The following MAP7D2 variants were observed in gnomAD, a reference collection of about 807,000 sequenced individuals.
MAP7D2 encodes the protein MAP7 domain containing 2, also known as MAP7 domain-containing protein 2.
Under a neutral mutation model 63.5 loss-of-function variants are expected in MAP7D2, and 33 were observed. That is an observed-to-expected ratio of 0.52 (90% CI 0.39 to 0.70). MAP7D2 has a LOEUF of 0.70. Ranked by LOEUF, MAP7D2 falls within the 30% of genes least tolerant of loss-of-function variation. MAP7D2 has a pLI of 0.00. For missense variants in MAP7D2, 626 were observed against 604.0 expected, an observed-to-expected ratio of 1.04 and a Z score of -0.38; for synonymous variants, 224 against 223.7, an observed-to-expected ratio of 1.00 and a Z score of -0.01.
At chrX:20,032,487 G>A (rs771290924) in intron 8 of MAP7D2, among the ~76,000 whole-genome samples, 3 of 111,542 alleles carry the variant, frequency 2.7e-5, no homozygotes, top group Non-Finnish European at 3.8e-5. Flanking sequence ...GGGTCTGGGA[G>A]GGAGCCTTCC....
chrX:20,068,134 C>T (rs1328016099), intron 1 of MAP7D2, among the ~76,000 whole-genome samples: 1 of 112,067 alleles, frequency 8.9e-6, no homozygotes, highest in Non-Finnish European at 1.9e-5. Flanking sequence ...CTCAAACAGC[C>T]CAACATGGGC....
At chrX:20,091,694 C>G (rs1167207379) in intron 1 of MAP7D2, among the ~76,000 whole-genome samples, 1 of 111,594 alleles carries the variant, frequency 9.0e-6, no homozygotes, top group African/African-American at 3.3e-5. Context: ...TGACCTCGCT[C>G]AGAAAATTCC....
rs372559177 is a variant in MAP7D2 at position 20,053,015 on chromosome X, G to A, written c.485-27C>T. ...TGCAGAGAAATGCATTAAAGACATT[G>A]GTATTCATCACACTACTGTAGAACC... On this transcript the variant is annotated intron_variant, in intron 4 of 16. Coordinates refer to ENST00000379643, the MANE Select transcript of MAP7D2 (RefSeq NM_001168465.2). 3 of 1,060,062 alleles carry A rather than the reference G, an allele frequency of 2.8e-6. No individual in the cohort carries two copies. In the African/African-American group the frequency reaches 5.5e-5, roughly 20 times the overall value. 87.4% of individuals were successfully genotyped at this position (1,060,062 alleles called of 1,213,427 possible).
chrX:20,050,771 A>T, intron 6 of MAP7D2, 53 bp downstream of exon 6: 1 of 1,119,717 alleles, frequency 8.9e-7, no homozygotes, highest in Non-Finnish European at 1.2e-6. Flanking sequence ...TCCTAGGCTG[A>T]CCAACACCTC....
At chrX:20,053,087 C>T in intron 4 of MAP7D2, 99 bp from the exon 5 acceptor site, 1 of 553,162 alleles carries the variant, frequency 1.8e-6, no homozygotes, top group Non-Finnish European at 3.1e-6. Context: ...ATCCACGCAC[C>T]TCCTAAATGC....
intron 1 of MAP7D2, among the ~76,000 whole-genome samples, chrX:20,096,429 C>CAAAAAAAAA (rs775218484): frequency 1.3e-3 from 52 of 39,668 alleles, no homozygotes; most frequent in Non-Finnish European, 1.4e-3. Flanking sequence ...GACCTTGTCT[C>CAAAAAAAAA]AAAAAAAAAA....
intron 1 of MAP7D2, among the ~76,000 whole-genome samples, chrX:20,103,427 C>A (rs930501797): frequency 9.0e-6 from 1 of 111,093 alleles, no homozygotes. Context: ...TCCTACAGAC[C>A]TGATACAGTG....
At chrX:20,016,463 C>T (rs980786591) in intron 10 of MAP7D2, 138 bp from the exon 11 acceptor site, 1 of 561,047 alleles carries the variant, frequency 1.8e-6, no homozygotes, top group Non-Finnish European at 2.9e-6. Context: ...CATTTAATAA[C>T]ATGATTCATC....
chrX:20,094,487 CATATATATATATATATATAT>C (rs1216874865), intron 1 of MAP7D2, among the ~76,000 whole-genome samples: 1 of 15,112 alleles, frequency 6.6e-5, no homozygotes, highest in Non-Finnish European at 1.0e-4. Flanking sequence ...AAAATACATA[CATATATATATATATATATAT>C]ATATATATGT....
intron 7 of MAP7D2, among the ~76,000 whole-genome samples, chrX:20,042,879 A>G (rs1289274594): frequency 8.9e-6 from 1 of 112,383 alleles, no homozygotes; most frequent in Admixed American, 9.4e-5. Context: ...AAGAGTTAAC[A>G]ACTGAACCAT....
chrX:20,045,849 A>C lies in MAP7D2; in HGVS notation c.719-1325T>G, dbSNP rs1350736319. Among the ~76,000 whole-genome samples, 60 of 111,776 alleles carry C rather than the reference A, an allele frequency of 5.4e-4. No individual in the cohort carries two copies. In the Admixed American group the frequency reaches 5.7e-3, roughly 11 times the overall value. On this transcript the variant is annotated intron_variant, in intron 6 of 16. Coordinates refer to ENST00000379643, the MANE Select transcript of MAP7D2 (RefSeq NM_001168465.2). Reference sequence around the variant, plus strand: ...TAAAAGTGACCTACGGAATTTAAAGATGACCAATACAGCTCCAAGAGAGTT... The same window carrying C: ...TAAAAGTGACCTACGGAATTTAAAGCTGACCAATACAGCTCCAAGAGAGTT...
chrX:20,098,396 C>T (rs969600271), intron 1 of MAP7D2, among the ~76,000 whole-genome samples: 1 of 112,257 alleles, frequency 8.9e-6, no homozygotes, highest in Admixed American at 9.4e-5. Context: ...AGAAGAGAGA[C>T]ACCAATGTCA....
intron 10 of MAP7D2, among the ~76,000 whole-genome samples, chrX:20,018,421 C>A (rs2148148862): frequency 9.4e-6 from 1 of 105,887 alleles, no homozygotes; most frequent in South Asian, 4.3e-4. Flanking sequence ...TTCCATAGCA[C>A]CTCCAGGGAA....
intron 1 of MAP7D2, among the ~76,000 whole-genome samples, chrX:20,088,617 A>G (rs938507556): frequency 1.9e-5 from 2 of 105,803 alleles, no homozygotes; most frequent in Non-Finnish European, 3.9e-5. Context: ...GAGTTACCAC[A>G]CCCAGCCTGG....
intron 3 of MAP7D2, among the ~76,000 whole-genome samples, chrX:20,060,482 GAAAGAA>G (rs1247687791): frequency 2.2e-4 from 22 of 101,148 alleles, no homozygotes; most frequent in African/African-American, 5.7e-4. Context: ...AAGAAAGAAA[GAAAGAA>G]AGAGAAAGAG....
Position 20,044,431 on chromosome X carries a change from G to A in MAP7D2, c.812C>T (p.Thr271Ile). ...PTRNIEKKKA[T>I]STSTSGAGDV... ...TCCTGCACCAGATGTAGACGTAGAT[G>A]TAGCTTTCTTCTTCTCAATGTTTCG... Residue 271 changes from threonine (T) to isoleucine (I), a missense_variant, in exon 7 of 17, where the codon ACA becomes ATA. Transcript: ENST00000379643. 3 of 1,211,283 alleles carry A rather than the reference G, an allele frequency of 2.5e-6. No homozygotes were observed. Among genetic ancestry groups the A allele is most frequent in the South Asian group, 3.5e-5 (2 of 56,991 alleles).
chrX:20,099,159 A>C (rs746288044), intron 1 of MAP7D2, among the ~76,000 whole-genome samples: 2 of 111,737 alleles, frequency 1.8e-5, no homozygotes, highest in Non-Finnish European at 3.8e-5. Flanking sequence ...CTCCCTTTTG[A>C]TCCAAATACC....
At chrX:20,096,228 A>G (rs1481811076) in intron 1 of MAP7D2, among the ~76,000 whole-genome samples, 5 of 103,382 alleles carry the variant, frequency 4.8e-5, no homozygotes, top group Non-Finnish European at 7.9e-5. Context: ...AGGAGTTAAG[A>G]TCAGCCTGGG....
rs755365322 is a variant in MAP7D2, at chrX:20,016,054, T to C, written c.1644+40A>G. 382 of 1,127,707 alleles carry C rather than the reference T, an allele frequency of 3.4e-4. 6 individuals are homozygous for C. The East Asian group carries it at 0.011, about 33-fold the overall frequency. The allele number at this position is 1,127,707 out of a possible 1,213,427, so 92.9% of individuals were successfully genotyped here. On this transcript the variant is annotated intron_variant, in intron 11 of 16. Coordinates refer to ENST00000379643, the MANE Select transcript of MAP7D2 (RefSeq NM_001168465.2). ...TAATTGTACCTACTATCAAGGTCCT[T>C]AAAAAACAAGTAAAGTCCATCTGAG...
Sources: gnomAD v4.1 joint callset for allele counts (sites outside exome capture counted in the v4.1 genomes callset) on GRCh38, gnomAD v4.1.1 for gene constraint, MANE v1.5 for transcripts, NCBI Gene and HGNC (gene_info 2026-07-23, HGNC 2026-07-21) for gene names.